The following LHFPL3 variants were observed in gnomAD, a reference collection of about 807,000 sequenced individuals.
LHFPL3 encodes LHFPL tetraspan subfamily member 3 protein.
In LHFPL3, 5 loss-of-function variants were observed where a neutral mutation model predicts 19.3. That is an observed-to-expected ratio of 0.26 (90% CI 0.14 to 0.54). LHFPL3 has a LOEUF of 0.54. LHFPL3 is among the 20% of genes least tolerant of loss of function. The pLI is 0.94. For missense variants in LHFPL3, 249 were observed against 307.4 expected, an observed-to-expected ratio of 0.81 and a Z score of 1.42; for synonymous variants, 133 against 126.2, an observed-to-expected ratio of 1.05 and a Z score of -0.36.
intron 1 of LHFPL3, among the ~76,000 whole-genome samples, chr7:104,483,781 A>AT (rs1554399408): frequency 2.0e-5 from 3 of 151,884 alleles, no homozygotes; most frequent in Admixed American, 6.6e-5. Context: ...ATGACCAGCT[A>AT]TTTTTTTTAA....
At chr7:104,424,382 A>G (rs546135690) in intron 1 of LHFPL3, among the ~76,000 whole-genome samples, 6 of 152,228 alleles carry the variant, frequency 3.9e-5, no homozygotes, top group Non-Finnish European at 8.8e-5. Flanking sequence ...ACCGAGGTAC[A>G]GAGGAGCTCT....
At chr7:104,846,801 G>T (rs1791321867) in intron 2 of LHFPL3, among the ~76,000 whole-genome samples, 3 of 152,344 alleles carry the variant, frequency 2.0e-5, no homozygotes, top group South Asian at 4.1e-4. Flanking sequence ...ATGAGCTTGA[G>T]AAAGTTGCTC....
At chr7:104,732,556 G>T (rs1027748331) in intron 1 of LHFPL3, among the ~76,000 whole-genome samples, 14 of 152,052 alleles carry the variant, frequency 9.2e-5, no homozygotes, top group African/African-American at 3.4e-4. Context: ...TCTTTCTGTG[G>T]GATTGGTGGT....
intron 1 of LHFPL3, among the ~76,000 whole-genome samples, chr7:104,532,346 A>T (rs1794316412): frequency 3.1e-5 from 2 of 63,596 alleles, no homozygotes; most frequent in African/African-American, 5.0e-5. Flanking sequence ...TTTTTGGTTA[A>T]AGAACGAATC....
intron 1 of LHFPL3, among the ~76,000 whole-genome samples, chr7:104,469,129 A>G (rs1792854665): frequency 6.6e-6 from 1 of 152,140 alleles, no homozygotes; most frequent in Non-Finnish European, 1.5e-5. Flanking sequence ...CGGTCACTGG[A>G]GTAAATAGAG....
At chr7:104,725,507 A>G (rs567213100) in intron 1 of LHFPL3, among the ~76,000 whole-genome samples, 9 of 152,350 alleles carry the variant, frequency 5.9e-5, no homozygotes, top group East Asian at 1.9e-4. Flanking sequence ...TATGTAAAAA[A>G]CATTTCAAAT....
chr7:104,769,932 A>C (rs989731755), intron 2 of LHFPL3, among the ~76,000 whole-genome samples: 5 of 152,202 alleles, frequency 3.3e-5, no homozygotes, highest in African/African-American at 1.2e-4. Context: ...GGTTCAATCT[A>C]ACAGGAAAAA....
intron 1 of LHFPL3, among the ~76,000 whole-genome samples, chr7:104,358,163 G>A (rs1790319894): frequency 6.6e-6 from 1 of 152,156 alleles, no homozygotes; most frequent in Admixed American, 6.5e-5. Flanking sequence ...CTGGGGGAGT[G>A]GAGACTGACT....
intron 1 of LHFPL3, among the ~76,000 whole-genome samples, chr7:104,579,099 A>T (rs773319523): frequency 7.2e-5 from 11 of 152,130 alleles, no homozygotes; most frequent in Non-Finnish European, 1.3e-4. Flanking sequence ...ATCTTGCTTT[A>T]TTATTTTAAC....
intron 2 of LHFPL3, among the ~76,000 whole-genome samples, chr7:104,823,937 G>A (rs926514303): frequency 4.0e-5 from 6 of 151,182 alleles, no homozygotes; most frequent in South Asian, 4.2e-4. Context: ...CTTGAGGTCC[G>A]GAGTTCGAGA....
chr7:104,629,143 T>A (rs1360901328), intron 1 of LHFPL3, among the ~76,000 whole-genome samples: 1 of 152,220 alleles, frequency 6.6e-6, no homozygotes, highest in Admixed American at 6.6e-5. Context: ...GATGATTAAA[T>A]AAGTCCTGTT....
At chr7:104,746,033 G>A (rs928687768) in intron 2 of LHFPL3, among the ~76,000 whole-genome samples, 46 of 152,272 alleles carry the variant, frequency 3.0e-4, no homozygotes, top group African/African-American at 9.9e-4. Flanking sequence ...ATTCCAGGCC[G>A]GACATGGTGG....
chr7:104,632,978 A>G (rs2193215), intron 1 of LHFPL3, among the ~76,000 whole-genome samples: 54,743 of 152,034 alleles, frequency 0.36, 10,312 homozygotes, highest in Non-Finnish European at 0.42. Context: ...TGAATACTAT[A>G]CAAGTAATTG....
intron 1 of LHFPL3, among the ~76,000 whole-genome samples, chr7:104,358,464 A>G (rs951176706): frequency 2.6e-5 from 4 of 152,112 alleles, no homozygotes; most frequent in Admixed American, 6.6e-5. Flanking sequence ...TTAGCACGGG[A>G]TTTACCTGTT....
At chr7:104,678,590 T>C (rs184317331) in intron 1 of LHFPL3, among the ~76,000 whole-genome samples, 5 of 152,302 alleles carry the variant, frequency 3.3e-5, no homozygotes, top group East Asian at 3.9e-4. Flanking sequence ...ACACAATTCT[T>C]AATTCTTTTT....
intron 2 of LHFPL3, among the ~76,000 whole-genome samples, chr7:104,806,371 T>G (rs1790361826): frequency 6.6e-6 from 1 of 152,248 alleles, no homozygotes; most frequent in Non-Finnish European, 1.5e-5. Flanking sequence ...CAGAGTTTAT[T>G]CTAGAAACCC....
chr7:104,852,040 T>TTCCCTC lies in LHFPL3; in HGVS notation c.683-54138_683-54133dup, dbSNP rs1791422904. On this transcript the variant is annotated intron_variant, in intron 2 of 2. Coordinates refer to ENST00000424859, the MANE Select transcript of LHFPL3 (RefSeq NM_199000.3). Reference sequence around the variant, plus strand: ...GCTTCTGTTACTTCCACCAACTTTTTTCCCTCTCCCTCTCATTTTTCTTAG... The same window carrying TTCCCTC: ...GCTTCTGTTACTTCCACCAACTTTTTTCCCTCTCCCTCTCCCTCTCATTTTTCTTAG... Among the ~76,000 whole-genome samples the TTCCCTC allele has an allele frequency of 9.2e-5, 14 of 152,146 alleles. No individual in the cohort carries two copies. The South Asian group carries it at 2.9e-3, about 32-fold the overall frequency.
At chr7:104,557,948 G>A (rs1012643488) in intron 1 of LHFPL3, among the ~76,000 whole-genome samples, 7 of 150,326 alleles carry the variant, frequency 4.7e-5, no homozygotes, top group Non-Finnish European at 7.4e-5. Context: ...TTGTTCTTGC[G>A]ATAGTTTACT....
At chr7:104,486,885 T>A (rs1793247606) in intron 1 of LHFPL3, among the ~76,000 whole-genome samples, 1 of 152,188 alleles carries the variant, frequency 6.6e-6, no homozygotes, top group Non-Finnish European at 1.5e-5. Context: ...AATATGTCTA[T>A]GAATTTTCCA....
Sources: allele counts gnomAD v4.1 joint callset (sites outside exome capture counted in the v4.1 genomes callset), GRCh38; gene constraint gnomAD v4.1.1; transcripts MANE v1.5; gene names NCBI Gene and HGNC (gene_info 2026-07-23, HGNC 2026-07-21).